Variants in PIAS1 observed in about 807,000 individuals in gnomAD.
PIAS1 encodes protein inhibitor of activated STAT 1.
In PIAS1, 6 loss-of-function variants were observed where a neutral mutation model predicts 71.3. The ratio of observed to expected loss-of-function variants is 0.08; its 90% CI spans 0.05 to 0.17. The LOEUF is 0.17. Among genes scored for constraint, PIAS1 ranks in the 10% least tolerant of loss-of-function variants. The pLI, the probability that PIAS1 is intolerant of heterozygous loss-of-function variation, is 1.00. For missense variants in PIAS1, 555 were observed against 793.6 expected (o/e 0.70, Z 3.61); for synonymous variants, 303 against 292.9 (o/e 1.03, Z -0.35).
At chr15:68,152,437 G>A (rs2092854413) in intron 6 of PIAS1, among the ~76,000 whole-genome samples, 1 of 152,094 alleles carries the variant, frequency 6.6e-6, no homozygotes, top group Non-Finnish European at 1.5e-5. Flanking sequence ...TGTCAAAAGA[G>A]GGGAGTGCAT....
intron 7 of PIAS1, among the ~76,000 whole-genome samples, chr15:68,159,428 C>A (rs915047019): frequency 6.6e-6 from 1 of 152,118 alleles, no homozygotes; most frequent in Non-Finnish European, 1.5e-5. Context: ...ACCACTGCCA[C>A]AATCAAAATA....
rs571850386 is a variant in PIAS1 at position 68,174,021 on chromosome 15, A to T, written c.1169+129A>T. 1.3e-5 allele frequency: 6 copies of T among 473,794 alleles called. No homozygotes were observed. The highest frequency in any genetic ancestry group is 2.1e-5 in the Non-Finnish European group (6 of 281,170). 29.3% of individuals were successfully genotyped at this position (473,794 alleles called of 1,614,324 possible). A position where few individuals can be genotyped will look rare whatever the true frequency, so the allele number is the denominator to read the frequency against. ...GATTTTTGTGAGTCTGCAAACCAAT[A>T]TTTTCAAAGTAATTTATTTCAAATT... On this transcript the variant is annotated intron_variant, in intron 9 of 13. Transcript: ENST00000249636. The surrounding 1 kb of genome is among the most constrained non-coding windows in gnomAD (Gnocchi z 4.0).
intron 2 of PIAS1, among the ~76,000 whole-genome samples, chr15:68,103,644 A>G (rs910071700): frequency 6.6e-6 from 1 of 152,114 alleles, no homozygotes; most frequent in Non-Finnish European, 1.5e-5. Flanking sequence ...TGAAACTACT[A>G]ATACGGCATC....
intron 2 of PIAS1, among the ~76,000 whole-genome samples, chr15:68,105,965 G>T (rs1265035827): frequency 6.6e-6 from 1 of 152,046 alleles, no homozygotes; most frequent in Non-Finnish European, 1.5e-5. Flanking sequence ...AGATGCTTAA[G>T]AAATTACCTC....
At chr15:68,093,977 C>T (rs1033305185) in intron 2 of PIAS1, among the ~76,000 whole-genome samples, 1 of 152,178 alleles carries the variant, frequency 6.6e-6, no homozygotes, top group Non-Finnish European at 1.5e-5. Context: ...TTGAGAAACA[C>T]TTAAATTGAC....
intron 8 of PIAS1, among the ~76,000 whole-genome samples, chr15:68,166,625 C>A (rs1018860396): frequency 1.6e-4 from 24 of 152,096 alleles, no homozygotes; most frequent in African/African-American, 5.6e-4. Context: ...TTTCTGCAAT[C>A]TCACTTAAAA....
rs770536737 is a variant in PIAS1, at chr15:68,173,072, A to G, written c.1009-660A>G. The stretch of plus-strand genomic sequence containing the variant: ...TCCTGTGAACTACTTTCATTCATAG[A>G]TAAGACTGATAGCAAATATCAATGC... On this transcript the variant is annotated intron_variant, in intron 8 of 13. Coordinates refer to ENST00000249636, the MANE Select transcript of PIAS1 (RefSeq NM_016166.3). This position sits in a 1 kb window ranked among gnomAD's most constrained non-coding sequence, Gnocchi z 4.3. Among the ~76,000 whole-genome samples, 1 of 152,238 alleles carries G rather than the reference A, an allele frequency of 6.6e-6. No individual in the cohort carries two copies. The highest frequency in any genetic ancestry group is 2.4e-5 in the African/African-American group (1 of 41,464).
intron 1 of PIAS1, among the ~76,000 whole-genome samples, chr15:68,055,604 C>G (rs900611407): frequency 3.9e-5 from 6 of 152,092 alleles, no homozygotes; most frequent in Non-Finnish European, 5.9e-5. Flanking sequence ...TTTCGAGGCT[C>G]TGAACGCGAT....
At chr15:68,097,838 A>G (rs960726003) in intron 2 of PIAS1, among the ~76,000 whole-genome samples, 17 of 152,162 alleles carry the variant, frequency 1.1e-4, no homozygotes, top group African/African-American at 4.1e-4. Flanking sequence ...TGCTTTTCAT[A>G]TATTAAACCA....
chr15:68,177,304 A>AAG, intron 11 of PIAS1, among the ~76,000 whole-genome samples: 1 of 151,876 alleles, frequency 6.6e-6, no homozygotes, highest in East Asian at 1.9e-4. Flanking sequence ...AAAAGAAAGA[A>AAG]AAAATTTGTA....
chr15:68,132,319 A>G (rs2092693749), intron 2 of PIAS1, among the ~76,000 whole-genome samples: 1 of 152,068 alleles, frequency 6.6e-6, no homozygotes, highest in South Asian at 2.1e-4. Context: ...TCTACTAAAA[A>G]TACAAAAAAT....
chr15:68,139,266 T>G (rs1363483978), intron 2 of PIAS1, among the ~76,000 whole-genome samples: 2 of 152,172 alleles, frequency 1.3e-5, no homozygotes, highest in Admixed American at 1.3e-4. Context: ...CTGCAAGCAT[T>G]TTTACAATTA....
At chr15:68,129,794 TACACACACACACACAC>T (rs67860159) in intron 2 of PIAS1, among the ~76,000 whole-genome samples, 265 of 145,092 alleles carry the variant, frequency 1.8e-3, no homozygotes, top group African/African-American at 6.1e-3. Flanking sequence ...TAATTGTATT[TACACACACACACACAC>T]ACACACACAC....
intron 2 of PIAS1, among the ~76,000 whole-genome samples, chr15:68,124,814 C>T (rs1352303180): frequency 4.6e-5 from 7 of 152,158 alleles, no homozygotes; most frequent in Non-Finnish European, 8.8e-5. Flanking sequence ...CCCATGTTCT[C>T]ATATTCTATC....
chr15:68,099,491 A>G (rs991780928), intron 2 of PIAS1, among the ~76,000 whole-genome samples: 6 of 151,878 alleles, frequency 4.0e-5, no homozygotes, highest in Non-Finnish European at 7.4e-5. Context: ...ATATATCACA[A>G]TTTCTCTAAC....
At chr15:68,120,402 CT>C (rs2092603513) in intron 2 of PIAS1, among the ~76,000 whole-genome samples, 1 of 151,788 alleles carries the variant, frequency 6.6e-6, no homozygotes, top group South Asian at 2.1e-4. Context: ...TATTTTATTC[CT>C]CTTTCCCCTT....
chr15:68,055,945 G>A (rs761925791), intron 1 of PIAS1: 17 of 698,544 alleles, frequency 2.4e-5, no homozygotes, highest in Non-Finnish European at 3.1e-5. Flanking sequence ...CTTTTAAAAT[G>A]TACTTCTAAT....
chr15:68,065,053 T>C (rs1268584076), intron 1 of PIAS1, among the ~76,000 whole-genome samples: 1 of 152,140 alleles, frequency 6.6e-6, no homozygotes, highest in East Asian at 1.9e-4. Context: ...ATTATTTTTT[T>C]TTAAATGACA....
intron 2 of PIAS1, among the ~76,000 whole-genome samples, chr15:68,100,494 AG>A (rs1213525501): frequency 2.0e-5 from 3 of 151,928 alleles, no homozygotes; most frequent in African/African-American, 7.3e-5. Context: ...AGGGGCGGGG[AG>A]GGGGGCGCTG....
Sources: allele counts gnomAD v4.1 joint callset (sites outside exome capture counted in the v4.1 genomes callset), GRCh38; gene constraint gnomAD v4.1.1; non-coding constraint Gnocchi (gnomAD v3.1); transcripts MANE v1.5; gene names NCBI Gene and HGNC (gene_info 2026-07-23, HGNC 2026-07-21).